The following C9orf153 variants were observed in gnomAD, a reference collection of about 807,000 sequenced individuals.
C9orf153 encodes chromosome 9 open reading frame 153.
C9orf153 carries 10 observed loss-of-function variants against 9.0 expected under a neutral mutation model. The ratio of observed to expected loss-of-function variants is 1.11; its 90% CI spans 0.69 to 1.89. C9orf153 has a LOEUF of 1.89. C9orf153 is among the 40% of genes most tolerant of loss of function. The probability of loss-of-function intolerance (pLI) is 0.00; values close to 1 mark genes in which losing one functional copy is unlikely to be tolerated. For missense variants in C9orf153, 108 were observed against 111.0 expected, an observed-to-expected ratio of 0.97 and a Z score of 0.12; for synonymous variants, 35 against 37.3, an observed-to-expected ratio of 0.94 and a Z score of 0.23.
chr9:86,250,184 G>GT (rs1305505028), intron 1 of C9orf153, among the ~76,000 whole-genome samples: 1 of 152,098 alleles, frequency 6.6e-6, no homozygotes, highest in Non-Finnish European at 1.5e-5. Context: ...CAGACTTAAT[G>GT]TTTTTTTCTT....
intron 1 of C9orf153, among the ~76,000 whole-genome samples, chr9:86,235,080 G>C (rs965438441): frequency 1.3e-5 from 2 of 152,168 alleles, no homozygotes; most frequent in Non-Finnish European, 2.9e-5. Flanking sequence ...GAAGCCTCCA[G>C]AAGAGCCAGT....
chr9:86,243,240 C>T (rs1824788280), intron 1 of C9orf153, among the ~76,000 whole-genome samples: 1 of 152,110 alleles, frequency 6.6e-6, no homozygotes, highest in Non-Finnish European at 1.5e-5. Flanking sequence ...TGAAGCAATT[C>T]CTACTCTTGA....
intron 1 of C9orf153, among the ~76,000 whole-genome samples, chr9:86,239,968 G>A (rs12338039): frequency 0.26 from 38,967 of 151,988 alleles, 5,318 homozygotes; most frequent in East Asian, 0.36. Flanking sequence ...GCAGTTCAGT[G>A]CCCTGAGCAT....
chr9:86,253,689 C>T (rs886700462), intron 1 of C9orf153, among the ~76,000 whole-genome samples: 5 of 152,152 alleles, frequency 3.3e-5, no homozygotes, highest in South Asian at 4.1e-4. Flanking sequence ...TAAAGTCTTG[C>T]GCTCAAGAGA....
rs1258906072 is a variant in C9orf153 at position 86,227,427 on chromosome 9, A to G, written c.242+428T>C. The G allele has an allele frequency of 4.1e-6, 6 of 1,458,368 alleles. No individual in the cohort carries two copies. In the African/African-American group the frequency reaches 8.6e-5, roughly 21 times the overall value. 90.3% of individuals were successfully genotyped at this position (1,458,368 alleles called of 1,614,324 possible). On this transcript the variant is annotated intron_variant, in intron 3 of 3. Transcript: ENST00000339137. ...TAAAGCAAACATATTAATAGCAGCCATGAACCTCAGAACTACAAAATTGCT... is the reference window on the plus strand; with the variant it reads ...TAAAGCAAACATATTAATAGCAGCCGTGAACCTCAGAACTACAAAATTGCT...
intron 3 of C9orf153, among the ~76,000 whole-genome samples, chr9:86,223,016 G>A (rs1333789104): frequency 2.6e-5 from 4 of 152,222 alleles, no homozygotes; most frequent in Admixed American, 1.3e-4. Flanking sequence ...GAGACTCTTC[G>A]TTGGGCTCAT....
At chr9:86,223,337 G>A (rs186158853) in intron 3 of C9orf153, among the ~76,000 whole-genome samples, 9 of 152,118 alleles carry the variant, frequency 5.9e-5, no homozygotes, top group African/African-American at 1.7e-4. Context: ...GCTTGGTGGC[G>A]GGCACCTGTC....
chr9:86,248,187 G>A (rs1466359334), intron 1 of C9orf153, among the ~76,000 whole-genome samples: 1 of 152,102 alleles, frequency 6.6e-6, no homozygotes, highest in African/African-American at 2.4e-5. Context: ...AGGCTGGAGT[G>A]CAGTGGTGAG....
chr9:86,255,630 T>A (rs1825106511), intron 1 of C9orf153, among the ~76,000 whole-genome samples: 1 of 152,172 alleles, frequency 6.6e-6, no homozygotes, highest in African/African-American at 2.4e-5. Context: ...CCACCATAAC[T>A]TGTTTTGGGC....
chr9:86,250,186 T>C (rs1824965144), intron 1 of C9orf153, among the ~76,000 whole-genome samples: 1 of 152,318 alleles, frequency 6.6e-6, no homozygotes, highest in East Asian at 1.9e-4. Flanking sequence ...GACTTAATGT[T>C]TTTTTCTTTT....
At chr9:86,247,419 C>G (rs774217573) in intron 1 of C9orf153, among the ~76,000 whole-genome samples, 16 of 152,156 alleles carry the variant, frequency 1.1e-4, no homozygotes, top group Non-Finnish European at 2.4e-4. Context: ...TGGTGGCTCA[C>G]ATCTGTAATC....
chr9:86,247,044 G>A (rs1332355742), intron 1 of C9orf153, among the ~76,000 whole-genome samples: 1 of 152,210 alleles, frequency 6.6e-6, no homozygotes, highest in Non-Finnish European at 1.5e-5. Context: ...GAAGCCAAAG[G>A]GCAAAGTTTT....
At chr9:86,246,821 G>A (rs925708800) in intron 1 of C9orf153, among the ~76,000 whole-genome samples, 6 of 152,146 alleles carry the variant, frequency 3.9e-5, no homozygotes, top group African/African-American at 2.4e-5. Context: ...TTCTGTGGAC[G>A]TCACTGCCTT....
At chr9:86,246,145 G>A (rs1019599424) in intron 1 of C9orf153, among the ~76,000 whole-genome samples, 12 of 152,312 alleles carry the variant, frequency 7.9e-5, no homozygotes, top group African/African-American at 2.6e-4. Flanking sequence ...ATTTCCCTCT[G>A]AAGTCTCCTC....
intron 3 of C9orf153, among the ~76,000 whole-genome samples, chr9:86,225,937 C>A (rs1441015483): frequency 6.6e-6 from 1 of 152,148 alleles, no homozygotes; most frequent in Non-Finnish European, 1.5e-5. Context: ...GTAATTCATG[C>A]ATTAGGAAGA....
Position 86,225,343 on chromosome 9 carries a change from TTTCC to T in C9orf153, c.242+2508_242+2511del, listed in dbSNP as rs531428596. 9.4e-3 allele frequency among the ~76,000 whole-genome samples: 1,431 copies of T among 151,742 alleles called. 10 individuals are homozygous for T. The highest frequency in any genetic ancestry group is 0.02 in the African/African-American group (842 of 41,342). On this transcript the variant is annotated intron_variant, in intron 3 of 3. Transcript: ENST00000339137. ...TTTCTTTCTTTCTTTCCTTTCTTTCTTTCCTTCCTTCCTTCCTTCCTTCTTTCTT... is the reference window on the plus strand; with the variant it reads ...TTTCTTTCTTTCTTTCCTTTCTTTCTTTCCTTCCTTCCTTCCTTCTTTCTT...
intron 3 of C9orf153, among the ~76,000 whole-genome samples, chr9:86,225,845 T>C (rs973475898): frequency 3.3e-5 from 5 of 152,174 alleles, no homozygotes; most frequent in Non-Finnish European, 7.4e-5. Flanking sequence ...TCTCAGGAAA[T>C]GAAGATATGG....
chr9:86,227,459 C>A, intron 3 of C9orf153: 1 of 1,424,052 alleles, frequency 7.0e-7, no homozygotes, highest in South Asian at 1.9e-5. Flanking sequence ...TGCTGTAGGT[C>A]AGTATTGGAC....
chr9:86,243,656 C>A (rs545043861), intron 1 of C9orf153, among the ~76,000 whole-genome samples: 2 of 152,252 alleles, frequency 1.3e-5, no homozygotes, highest in East Asian at 1.9e-4. Context: ...ATTTAGCAAG[C>A]CACATCGCCT....
Sources: allele counts gnomAD v4.1 joint callset (sites outside exome capture counted in the v4.1 genomes callset), GRCh38; gene constraint gnomAD v4.1.1; transcripts MANE v1.5; gene names NCBI Gene and HGNC (gene_info 2026-07-23, HGNC 2026-07-21).